The following ZMYND8 variants were observed in gnomAD, a reference collection of about 807,000 sequenced individuals.
ZMYND8 encodes zinc finger MYND-type containing 8, also known as MYND-type zinc finger-containing chromatin reader ZMYND8.
In ZMYND8, 37 loss-of-function variants were observed where a neutral mutation model predicts 140.8. The ratio of observed to expected loss-of-function variants is 0.26; its 90% CI spans 0.20 to 0.35. ZMYND8 has a LOEUF of 0.35. ZMYND8 is among the 10% of genes least tolerant of loss of function. ZMYND8 has a pLI of 1.00. For missense variants in ZMYND8, 1,068 were observed against 1,570.0 expected, an observed-to-expected ratio of 0.68 and a Z score of 5.40; for synonymous variants, 592 against 597.1, an observed-to-expected ratio of 0.99 and a Z score of 0.12.
intron 1 of ZMYND8, among the ~76,000 whole-genome samples, chr20:47,350,469 GT>G (rs142069931): frequency 2.0e-5 from 3 of 148,016 alleles, no homozygotes; most frequent in Non-Finnish European, 1.5e-5. Flanking sequence ...GTGTGTGTGT[GT>G]TTTTTTTTGA....
At chr20:47,288,672 C>CATGA (rs957998027) in intron 7 of ZMYND8, among the ~76,000 whole-genome samples, 9 of 152,198 alleles carry the variant, frequency 5.9e-5, no homozygotes, top group Admixed American at 3.3e-4. Flanking sequence ...TGATTATAGG[C>CATGA]ATGAGCCACT....
In ZMYND8 at chr20:47,329,289, G is replaced by A. The variant is rs552613268; in HGVS notation, c.85+18567C>T. On this transcript the variant is annotated intron_variant, in intron 2 of 22. Transcript: ENST00000471951. ...TCAAGCTTGCTCGAATGATGGCAAT[G>A]TTCTCGATCTGTTCTCTATCAGTGC... Among the ~76,000 whole-genome samples the A allele has an allele frequency of 1.1e-4, 17 of 152,310 alleles. No homozygotes were observed. The East Asian group carries it at 2.7e-3, about 24-fold the overall frequency.
At chr20:47,342,200 G>A (rs1256663337) in intron 2 of ZMYND8, among the ~76,000 whole-genome samples, 9 of 151,708 alleles carry the variant, frequency 5.9e-5, no homozygotes, top group African/African-American at 1.2e-4. Flanking sequence ...AAACAAAAAC[G>A]AGCACACTTA....
intron 2 of ZMYND8, among the ~76,000 whole-genome samples, chr20:47,316,815 A>C (rs943833396): frequency 1.3e-4 from 19 of 151,804 alleles, no homozygotes; most frequent in Admixed American, 7.2e-4. Flanking sequence ...AAAAAGAAAG[A>C]AAGCTAAGAG....
At chr20:47,236,197 T>G (rs899912080) in intron 16 of ZMYND8, 129 bp downstream of exon 16, 4 of 1,116,506 alleles carry the variant, frequency 3.6e-6, no homozygotes, top group Non-Finnish European at 5.1e-6. Flanking sequence ...GATTCTGTTT[T>G]TAAAAAAAAG....
chr20:47,257,332 C>A (rs1023183410), intron 12 of ZMYND8, among the ~76,000 whole-genome samples: 3 of 152,008 alleles, frequency 2.0e-5, no homozygotes, highest in Admixed American at 6.6e-5. Flanking sequence ...TACACAAATA[C>A]ACATACACTC....
At chr20:47,316,551 G>A (rs1021679871) in intron 2 of ZMYND8, among the ~76,000 whole-genome samples, 2 of 151,846 alleles carry the variant, frequency 1.3e-5, no homozygotes, top group Non-Finnish European at 2.9e-5. Context: ...CCAGCACTTT[G>A]GGAGGCCGAG....
intron 2 of ZMYND8, chr20:47,319,175 T>C: frequency 1.9e-6 from 1 of 516,854 alleles, no homozygotes; most frequent in Non-Finnish European, 3.3e-6. Context: ...TGTCACCTCT[T>C]TGCAATCAGG....
At chr20:47,241,282 G>A (rs944666929) in intron 14 of ZMYND8, among the ~76,000 whole-genome samples, 13 of 135,772 alleles carry the variant, frequency 9.6e-5, no homozygotes, top group East Asian at 4.3e-4. Context: ...GTGACAGGGC[G>A]AGACTCCGTC....
rs566068685 is a variant in ZMYND8 at position 47,306,349 on chromosome 20, T to C, written c.234+3707A>G. Among the ~76,000 whole-genome samples, 529 of 151,796 alleles carry C rather than the reference T, an allele frequency of 3.5e-3. 4 individuals carry two copies. Among genetic ancestry groups the C allele is most frequent in the African/African-American group, 0.012 (516 of 41,420 alleles). On this transcript the variant is annotated intron_variant, in intron 3 of 22. Transcript: ENST00000471951. ...GGTCGAGCCTGCAGAGCCGGGGAGG[T>C]TGAGGTTGCAGTAAGCTGTGATCAT...
intron 2 of ZMYND8, 78 bp from the exon 3 acceptor site, chr20:47,310,282 C>G (rs978531830): frequency 1.6e-5 from 24 of 1,507,850 alleles, no homozygotes; most frequent in Admixed American, 2.3e-5. Flanking sequence ...GTGGAGGAAC[C>G]AAGTGTGGGA....
chr20:47,273,753 C>T (rs2147762678), intron 11 of ZMYND8, among the ~76,000 whole-genome samples: 1 of 152,266 alleles, frequency 6.6e-6, no homozygotes, highest in Non-Finnish European at 1.5e-5. Context: ...CCAGCTCAGC[C>T]TCCTCAGTAG....
chr20:47,274,292 G>A (rs1272289858), intron 11 of ZMYND8, among the ~76,000 whole-genome samples: 1 of 152,166 alleles, frequency 6.6e-6, no homozygotes, highest in Admixed American at 6.5e-5. Flanking sequence ...GCCACAACAA[G>A]CAATTTAAAC....
At chr20:47,228,311 G>A (rs1009382253) in intron 17 of ZMYND8, among the ~76,000 whole-genome samples, 1 of 152,088 alleles carries the variant, frequency 6.6e-6, no homozygotes, top group East Asian at 1.9e-4. Context: ...TGGTTCAAAC[G>A]TCAGTATAGC....
intron 8 of ZMYND8, among the ~76,000 whole-genome samples, chr20:47,286,791 A>C (rs2076951316): frequency 6.6e-6 from 1 of 152,232 alleles, no homozygotes; most frequent in Admixed American, 6.5e-5. Context: ...GGCATTTGCA[A>C]GAAAACAGGT....
At position 47,337,712 on chromosome 20, in the gene ZMYND8, G is replaced by A. The variant is rs568168228; in HGVS notation, c.85+10144C>T. Among the ~76,000 whole-genome samples the A allele has an allele frequency of 6.6e-5, 10 of 152,168 alleles. No individual in the cohort carries two copies. In the East Asian group the frequency reaches 1.9e-3, roughly 29 times the overall value. On this transcript the variant is annotated intron_variant, in intron 2 of 22. Coordinates refer to ENST00000471951, the MANE Select transcript of ZMYND8 (RefSeq NM_001281775.3). The stretch of plus-strand genomic sequence containing the variant: ...TAGCCACGCAAACACACCTGGCATC[G>A]AGATGGCACTTCCCATTGATGTAGG...
At chr20:47,350,856 G>C (rs781061611) in intron 1 of ZMYND8, among the ~76,000 whole-genome samples, 2 of 152,226 alleles carry the variant, frequency 1.3e-5, no homozygotes, top group Admixed American at 6.5e-5. Context: ...AGGAAACTGG[G>C]GGCCCGCTAC....
intron 11 of ZMYND8, among the ~76,000 whole-genome samples, chr20:47,267,206 G>A (rs1271753173): frequency 2.0e-5 from 3 of 151,196 alleles, no homozygotes; most frequent in Non-Finnish European, 4.4e-5. Flanking sequence ...AGTTCAAACA[G>A]AACACAAATT....
chr20:47,245,858 AC>A, intron 14 of ZMYND8, 149 bp downstream of exon 14: 1 of 1,240,028 alleles, frequency 8.1e-7, no homozygotes, highest in Non-Finnish European at 1.1e-6. Context: ...TAAACCAAAC[AC>A]AGCTTCACTG....
Sources: gnomAD v4.1 joint callset for allele counts (sites outside exome capture counted in the v4.1 genomes callset) on GRCh38, gnomAD v4.1.1 for gene constraint, MANE v1.5 for transcripts, NCBI Gene and HGNC (gene_info 2026-07-23, HGNC 2026-07-21) for gene names.